The following TCEANC2 variants were observed in gnomAD, a reference collection of about 807,000 sequenced individuals.
TCEANC2 encodes transcription elongation factor A N-terminal and central domain-containing protein 2.
In TCEANC2, 20 loss-of-function variants were observed where a neutral mutation model predicts 22.8. The observed-to-expected ratio is 0.88, with a 90% CI of 0.62 to 1.28. The LOEUF is 1.28. Ranked by LOEUF, TCEANC2 falls within the 50% of genes most tolerant of loss-of-function variation. TCEANC2 has a pLI of 0.00. For missense variants in TCEANC2, 251 were observed against 249.7 expected, an observed-to-expected ratio of 1.01 and a Z score of -0.03; for synonymous variants, 84 against 95.5, an observed-to-expected ratio of 0.88 and a Z score of 0.70.
intron 2 of TCEANC2, among the ~76,000 whole-genome samples, chr1:54,060,982 C>T (rs1657843982): frequency 1.3e-5 from 2 of 151,844 alleles, no homozygotes; most frequent in Non-Finnish European, 2.9e-5. Flanking sequence ...GAAGAGAGAG[C>T]TTAGTCCCTG....
chr1:54,056,585 A>G (rs1423223606), intron 2 of TCEANC2, among the ~76,000 whole-genome samples: 2 of 152,004 alleles, frequency 1.3e-5, no homozygotes, highest in Admixed American at 6.6e-5. Context: ...TCGGCCTCCC[A>G]AAGTGCTGGG....
intron 3 of TCEANC2, among the ~76,000 whole-genome samples, chr1:54,069,371 G>A (rs991333189): frequency 2.6e-5 from 4 of 152,136 alleles, no homozygotes; most frequent in Non-Finnish European, 5.9e-5. Context: ...ACTTGGGGAG[G>A]CCTAGGTGAG....
At chr1:54,106,807 G>A (rs778196397), downstream of TCEANC2, among the ~76,000 whole-genome samples, 4 of 152,080 alleles carry the variant, frequency 2.6e-5, no homozygotes, top group East Asian at 1.9e-4. Context: ...TTAGAGAGAC[G>A]TTTTGGATGG....
At chr1:54,106,280 C>A (rs926166171), downstream of TCEANC2, among the ~76,000 whole-genome samples, 1 of 152,020 alleles carries the variant, frequency 6.6e-6, no homozygotes, top group South Asian at 2.1e-4. Context: ...TTTGGAATAC[C>A]GTGCAGTGGA....
Position 54,104,464 on chromosome 1 carries a change from A to G in TCEANC2, c.*7991A>G, listed in dbSNP as rs1305166306. 2.7e-6 allele frequency: 1 copy of G among 368,084 alleles called. No individual in the cohort carries two copies. The highest frequency in any genetic ancestry group is 5.5e-6 in the Non-Finnish European group (1 of 181,712). 22.8% of individuals were successfully genotyped at this position (368,084 alleles called of 1,614,324 possible). The stretch of plus-strand genomic sequence containing the variant: ...TCAGGAGGAGGTACAGCTGCTGTTA[A>G]GCAATGGAGGGAAGGGAGGTATATC... On this transcript the variant is annotated 3_prime_UTR_variant, in exon 5 of 5. Transcript: ENST00000234827.
At chr1:54,091,822 A>G (rs1461040388) in intron 4 of TCEANC2, among the ~76,000 whole-genome samples, 1 of 151,694 alleles carries the variant, frequency 6.6e-6, no homozygotes, top group African/African-American at 2.4e-5. Context: ...CCCCTTCCTC[A>G]TTATCCACTC....
chr1:54,108,292 A>G (rs1273781211), downstream of TCEANC2, among the ~76,000 whole-genome samples: 1 of 152,102 alleles, frequency 6.6e-6, no homozygotes, highest in African/African-American at 2.4e-5. Flanking sequence ...GGATGTCCTT[A>G]TCACCCTGCA....
intron 3 of TCEANC2, among the ~76,000 whole-genome samples, chr1:54,080,825 A>G (rs1378967479): frequency 6.6e-6 from 1 of 152,268 alleles, no homozygotes; most frequent in African/African-American, 2.4e-5. Flanking sequence ...GACCTGGGTC[A>G]TAAGACCAGC....
rs549608160 is a variant in TCEANC2 at position 54,067,094 on chromosome 1, G to A, written c.103-1662G>A. ...GGAGAACTTGACTTTAGTTCCTGGG[G>A]TTGGTGGACAGAGATCAGTCTCTGC... is the stretch of plus-strand genomic sequence containing the variant. On this transcript the variant is annotated intron_variant, in intron 2 of 4. Transcript: ENST00000234827. Among the ~76,000 whole-genome samples, 206 of 152,322 alleles carry A rather than the reference G, an allele frequency of 1.4e-3. 1 individual carries two copies. The highest frequency in any genetic ancestry group is 4.8e-3 in the African/African-American group (199 of 41,570).
Position 54,104,540 on chromosome 1 carries a change from A to G in TCEANC2, c.*8067A>G, listed in dbSNP as rs962611529. 9.0e-6 allele frequency: 4 copies of G among 443,148 alleles called. No homozygotes were observed. Among genetic ancestry groups the G allele is most frequent in the Admixed American group, 4.8e-5 (2 of 41,322 alleles). The allele number at this position is 443,148 out of a possible 1,614,324, so 27.5% of individuals were successfully genotyped here. On this transcript the variant is annotated 3_prime_UTR_variant, in exon 5 of 5. Transcript: ENST00000234827. Reference sequence around the variant, plus strand: ...AGACTTCTTGGTATTCCTTTGCCCAATTTTTTTTTCTTTTTCTTTTTCAGA... The same window carrying G: ...AGACTTCTTGGTATTCCTTTGCCCAGTTTTTTTTTCTTTTTCTTTTTCAGA...
chr1:54,077,195 C>T (rs948599134), intron 3 of TCEANC2, among the ~76,000 whole-genome samples: 7 of 152,232 alleles, frequency 4.6e-5, no homozygotes, highest in African/African-American at 7.2e-5. Context: ...TGATGCCTCT[C>T]GCTATGTTGC....
Position 54,080,589 on chromosome 1 carries a change from T to C in TCEANC2, c.245-8008T>C, listed in dbSNP as rs1351860078. 2.0e-5 allele frequency among the ~76,000 whole-genome samples: 3 copies of C among 152,240 alleles called. No homozygotes were observed. The East Asian group carries it at 5.8e-4, about 29-fold the overall frequency. On this transcript the variant is annotated intron_variant, in intron 3 of 4. Coordinates refer to ENST00000234827, the MANE Select transcript of TCEANC2 (RefSeq NM_153035.3). ...ATCTTAGGACCCGTATAACACCTTT[T>C]TGTGTGCATTTGTTTGTTTAGGTGT...
intron 3 of TCEANC2, among the ~76,000 whole-genome samples, chr1:54,086,459 A>G (rs890334481): frequency 1.3e-5 from 2 of 152,232 alleles, no homozygotes; most frequent in African/African-American, 4.8e-5. Context: ...TTAAAGGCCG[A>G]ATGGAAGTTG....
intron 3 of TCEANC2, among the ~76,000 whole-genome samples, chr1:54,071,778 G>A (rs1012039293): frequency 2.6e-5 from 4 of 151,746 alleles, no homozygotes; most frequent in African/African-American, 9.7e-5. Flanking sequence ...GCAAATTCAT[G>A]TTCCATTTTG....
intron 3 of TCEANC2, among the ~76,000 whole-genome samples, chr1:54,087,235 T>C (rs1658354745): frequency 1.3e-5 from 2 of 152,208 alleles, no homozygotes; most frequent in African/African-American, 4.8e-5. Flanking sequence ...TTAGCCTTTC[T>C]AGGTATTTAT....
In TCEANC2 at chr1:54,096,183, C is replaced by T. The variant is rs1658542525; in HGVS notation, c.439-102C>T. ...ACAGGAAGTAGATGTCCTTGAATTTCAGTTGATTAATGGAGGCCTCTGAGC... is the reference window on the plus strand; with the variant it reads ...ACAGGAAGTAGATGTCCTTGAATTTTAGTTGATTAATGGAGGCCTCTGAGC... On this transcript the variant is annotated intron_variant, in intron 4 of 4. Transcript: ENST00000234827. This position sits in a 1 kb window ranked among gnomAD's most constrained non-coding sequence, Gnocchi z 4.9. The T allele has an allele frequency of 1.4e-6, 2 of 1,405,712 alleles. No homozygotes were observed. Among genetic ancestry groups the T allele is most frequent in the African/African-American group, 1.4e-5 (1 of 69,828 alleles). The allele number at this position is 1,405,712 out of a possible 1,614,324, so 87.1% of individuals were successfully genotyped here. A position where few individuals can be genotyped will look rare whatever the true frequency, so the allele number is the denominator to read the frequency against.
intron 2 of TCEANC2, among the ~76,000 whole-genome samples, chr1:54,067,350 G>A (rs1279538021): frequency 6.6e-6 from 1 of 152,170 alleles, no homozygotes; most frequent in East Asian, 1.9e-4. Context: ...CAAAAACTGG[G>A]GAAGCGGGAG....
intron 3 of TCEANC2, among the ~76,000 whole-genome samples, chr1:54,071,594 C>T (rs1658056297): frequency 6.6e-6 from 1 of 152,130 alleles, no homozygotes; most frequent in African/African-American, 2.4e-5. Flanking sequence ...AGTGATATAT[C>T]ATCAGTTTTG....
At chr1:54,066,638 A>G (rs1007830132) in intron 2 of TCEANC2, among the ~76,000 whole-genome samples, 5 of 152,244 alleles carry the variant, frequency 3.3e-5, no homozygotes, top group Non-Finnish European at 5.9e-5. Flanking sequence ...ATAATGGAAT[A>G]CTATCCAATA....
Sources: gnomAD v4.1 joint callset for allele counts (sites outside exome capture counted in the v4.1 genomes callset) on GRCh38, gnomAD v4.1.1 for gene constraint, Gnocchi (gnomAD v3.1) non-coding constraint, MANE v1.5 for transcripts, NCBI Gene and HGNC (gene_info 2026-07-23, HGNC 2026-07-21) for gene names.